Variants in SEMA6D observed in about 807,000 individuals in gnomAD.
SEMA6D encodes semaphorin 6D.
A neutral mutation model predicts 106.6 loss-of-function variants in SEMA6D; 35 were observed. That is an observed-to-expected ratio of 0.33 (90% CI 0.25 to 0.44). The LOEUF is 0.44. SEMA6D is among the 20% of genes least tolerant of loss of function. The pLI is 1.00. For missense variants in SEMA6D, 1,185 were observed against 1,345.9 expected (o/e 0.88, Z 1.87); for synonymous variants, 499 against 487.7 (o/e 1.02, Z -0.31).
At chr15:47,646,609 T>C (rs2077586631) in intron 4 of SEMA6D, among the ~76,000 whole-genome samples, 1 of 152,168 alleles carries the variant, frequency 6.6e-6, no homozygotes, top group South Asian at 2.1e-4. Context: ...TGTACTTCTC[T>C]CTAAGCCCCA....
At chr15:47,564,030 A>C (rs1490412821) in intron 3 of SEMA6D, among the ~76,000 whole-genome samples, 1 of 152,212 alleles carries the variant, frequency 6.6e-6, no homozygotes, top group Non-Finnish European at 1.5e-5. Flanking sequence ...ATTTCTGACC[A>C]CCATTTAATT....
At chr15:47,344,455 A>G (rs1218068807) in intron 1 of SEMA6D, among the ~76,000 whole-genome samples, 1 of 152,188 alleles carries the variant, frequency 6.6e-6, no homozygotes, top group African/African-American at 2.4e-5. Flanking sequence ...AAAACAAGGT[A>G]GGGCCTATGG....
intron 1 of SEMA6D, among the ~76,000 whole-genome samples, chr15:47,396,145 G>A (rs1456824101): frequency 6.6e-6 from 1 of 152,086 alleles, no homozygotes; most frequent in East Asian, 1.9e-4. Flanking sequence ...CGACCGTGCT[G>A]GCACCTGATC....
At chr15:47,422,658 C>G (rs142644584) in intron 2 of SEMA6D, among the ~76,000 whole-genome samples, 2 of 152,156 alleles carry the variant, frequency 1.3e-5, no homozygotes, top group African/African-American at 4.8e-5. Context: ...TGTAATCTTA[C>G]TTCAGTAAAC....
intron 1 of SEMA6D, among the ~76,000 whole-genome samples, chr15:47,741,963 G>A (rs926389516): frequency 2.6e-4 from 40 of 152,206 alleles, no homozygotes; most frequent in African/African-American, 8.9e-4. Context: ...GCAGAGAGAG[G>A]GATGGAGAGG....
At chr15:47,536,500 G>A (rs1269778062) in intron 3 of SEMA6D, among the ~76,000 whole-genome samples, 1 of 152,194 alleles carries the variant, frequency 6.6e-6, no homozygotes, top group African/African-American at 2.4e-5. Context: ...TGTACCATTG[G>A]CTTCTAGACT....
chr15:47,650,237 C>T (rs1387464975), intron 4 of SEMA6D, among the ~76,000 whole-genome samples: 1 of 152,150 alleles, frequency 6.6e-6, no homozygotes, highest in East Asian at 1.9e-4. Flanking sequence ...AAACCTAGTC[C>T]ATAAAAGCTG....
At chr15:47,319,724 A>G (rs956323328) in intron 1 of SEMA6D, among the ~76,000 whole-genome samples, 1 of 152,084 alleles carries the variant, frequency 6.6e-6, no homozygotes, top group African/African-American at 2.4e-5. Flanking sequence ...GGTGTATTTC[A>G]AAATGGTTCC....
chr15:47,406,185 C>T (rs17369948), intron 1 of SEMA6D, among the ~76,000 whole-genome samples: 27,803 of 152,182 alleles, frequency 0.18, 2,957 homozygotes, highest in South Asian at 0.32. Flanking sequence ...GCTAACTTTA[C>T]CATCAGCAGC....
intron 4 of SEMA6D, among the ~76,000 whole-genome samples, chr15:47,691,174 C>A (rs773665930): frequency 7.2e-5 from 11 of 152,170 alleles, no homozygotes; most frequent in Non-Finnish European, 1.2e-4. Context: ...TTGGTTAAAG[C>A]AGAGTCTTCC....
At chr15:47,682,936 T>A (rs572512738) in intron 4 of SEMA6D, among the ~76,000 whole-genome samples, 4 of 152,192 alleles carry the variant, frequency 2.6e-5, no homozygotes, top group Non-Finnish European at 4.4e-5. Context: ...TCACTGATGC[T>A]AAGCACATAA....
chr15:47,330,511 T>C (rs1252860267), intron 1 of SEMA6D, among the ~76,000 whole-genome samples: 1 of 152,192 alleles, frequency 6.6e-6, no homozygotes, highest in African/African-American at 2.4e-5. Flanking sequence ...TAAACTTGGC[T>C]GAGGAGCTTG....
intron 3 of SEMA6D, among the ~76,000 whole-genome samples, chr15:47,500,974 A>G (rs933089035): frequency 2.7e-4 from 41 of 152,256 alleles, no homozygotes; most frequent in African/African-American, 8.4e-4. Context: ...GCTATTTTGT[A>G]TAAATAATTC....
chr15:47,531,309 A>G (rs1566862715), intron 3 of SEMA6D, among the ~76,000 whole-genome samples: 4 of 152,218 alleles, frequency 2.6e-5, no homozygotes, highest in Non-Finnish European at 4.4e-5. Context: ...AAGTGCAAAG[A>G]AACTAGGATT....
intron 1 of SEMA6D, among the ~76,000 whole-genome samples, chr15:47,207,526 C>G (rs984677496): frequency 6.6e-6 from 1 of 152,142 alleles, no homozygotes; most frequent in Non-Finnish European, 1.5e-5. Flanking sequence ...ATTTATGAAT[C>G]AGGCACAAGT....
intron 2 of SEMA6D, among the ~76,000 whole-genome samples, chr15:47,454,911 CTG>C (rs771114634): frequency 6.6e-6 from 1 of 151,842 alleles, no homozygotes; most frequent in Non-Finnish European, 1.5e-5. Context: ...GATTTATTAA[CTG>C]TGTGAACTGG....
At position 47,766,613 on chromosome 15, in the gene SEMA6D, C is replaced by T; in HGVS notation, c.1647-3C>T. On this transcript the variant is annotated splice_polypyrimidine_tract_variant and splice_region_variant and intron_variant, in intron 15 of 18. Coordinates refer to ENST00000536845, the MANE Select transcript of SEMA6D (RefSeq NM_001358351.3). ...AAGACTTCTTTGCTTTCCATAACCA[C>T]AGTGCTGAAGGATATGAACAAGACA... The T allele has an allele frequency of 6.2e-7, 1 of 1,612,618 alleles. No homozygotes were observed. The highest frequency in any genetic ancestry group is 8.5e-7 in the Non-Finnish European group (1 of 1,179,068).
chr15:47,449,773 A>T (rs561990780), intron 2 of SEMA6D, among the ~76,000 whole-genome samples: 1 of 152,244 alleles, frequency 6.6e-6, no homozygotes, highest in African/African-American at 2.4e-5. Flanking sequence ...TAAGAGACGT[A>T]TAATGCAATA....
chr15:47,749,817 G>A (rs1406951448), intron 1 of SEMA6D, among the ~76,000 whole-genome samples: 1 of 152,168 alleles, frequency 6.6e-6, no homozygotes, highest in Non-Finnish European at 1.5e-5. Flanking sequence ...TAGAGACCCG[G>A]AATGGAACTG....
Sources: allele counts gnomAD v4.1 joint callset (sites outside exome capture counted in the v4.1 genomes callset), GRCh38; gene constraint gnomAD v4.1.1; transcripts MANE v1.5; gene names NCBI Gene and HGNC (gene_info 2026-07-23, HGNC 2026-07-21).